The following MYO9A variants were observed in gnomAD, a reference collection of about 807,000 sequenced individuals.
The protein encoded by MYO9A is unconventional myosin-IXa.
MYO9A carries 103 observed loss-of-function variants against 293.3 expected under a neutral mutation model. That is an observed-to-expected ratio of 0.35 (90% CI 0.30 to 0.41). The LOEUF is 0.41. Among genes scored for constraint, MYO9A ranks in the 10% least tolerant of loss-of-function variants. The probability of loss-of-function intolerance (pLI) is 1.00; values close to 1 mark genes in which losing one functional copy is unlikely to be tolerated. For missense variants in MYO9A, 2,685 were observed against 3,033.0 expected (o/e 0.89, Z 2.69); for synonymous variants, 1,001 against 1,035.7 (o/e 0.97, Z 0.64).
intron 1 of MYO9A, among the ~76,000 whole-genome samples, chr15:72,063,230 C>T (rs943420080): frequency 6.6e-6 from 1 of 152,156 alleles, no homozygotes; most frequent in African/African-American, 2.4e-5. Context: ...TATCTCTCAC[C>T]ATATACAAAA....
rs778601193 is a variant in MYO9A at position 71,938,896 on chromosome 15, A to G, written c.2334T>C (p.Leu778=). The G allele has an allele frequency of 1.9e-6, 3 of 1,611,670 alleles. No individual in the cohort carries two copies. The highest frequency in any genetic ancestry group is 2.7e-5 in the African/African-American group (2 of 74,874). ...GAGCATTCATGCCCTGGAGATCAGA[A>G]AGAGGTGTTCTGGGATTTTTCCGGG... ...SITRKNPRTP[L]SDLQGMNALN... is the part of the protein sequence containing the mutation. Residue 778 remains leucine (L), a synonymous_variant, in exon 16 of 42, where the codon CTT becomes CTC. Coordinates refer to ENST00000356056, the MANE Select transcript of MYO9A (RefSeq NM_006901.4).
chr15:71,847,503 G>A (rs938999159), intron 39 of MYO9A: 7 of 448,110 alleles, frequency 1.6e-5, no homozygotes, highest in African/African-American at 1.4e-4. Flanking sequence ...GAAAGCAGAA[G>A]GTTAGAATGT....
intron 11 of MYO9A, among the ~76,000 whole-genome samples, chr15:71,980,780 G>C (rs1255044561): frequency 6.6e-6 from 1 of 152,192 alleles, no homozygotes; most frequent in African/African-American, 2.4e-5. Flanking sequence ...CAAGTCTGCA[G>C]TGAGCTATGA....
chr15:71,956,130 C>G (rs2059170339), intron 14 of MYO9A, among the ~76,000 whole-genome samples: 1 of 149,176 alleles, frequency 6.7e-6, no homozygotes, highest in South Asian at 2.1e-4. Flanking sequence ...TACAGCAAGA[C>G]CCACCTCCAA....
chr15:71,987,931 T>A (rs1175094345), intron 11 of MYO9A, among the ~76,000 whole-genome samples: 2 of 152,190 alleles, frequency 1.3e-5, no homozygotes, highest in Admixed American at 1.3e-4. Flanking sequence ...GGGTAGCAAG[T>A]AAATGAGAAT....
At chr15:71,896,316 C>T (rs2143014446) in intron 25 of MYO9A, among the ~76,000 whole-genome samples, 1 of 151,954 alleles carries the variant, frequency 6.6e-6, no homozygotes, top group East Asian at 1.9e-4. Flanking sequence ...ATTTTTAACC[C>T]AAAGATACAG....
chr15:71,956,831 A>G (rs1268263425), intron 14 of MYO9A, among the ~76,000 whole-genome samples: 1 of 122,692 alleles, frequency 8.2e-6, no homozygotes, highest in Non-Finnish European at 1.6e-5. Flanking sequence ...TATGCTATAT[A>G]TATATACACA....
At chr15:71,951,988 T>C in intron 14 of MYO9A, 92 bp from the exon 15 acceptor site, 1 of 1,362,010 alleles carries the variant, frequency 7.3e-7, no homozygotes, top group African/African-American at 1.5e-5. Flanking sequence ...AGGACAATGC[T>C]GCCAACTATT....
intron 1 of MYO9A, among the ~76,000 whole-genome samples, chr15:72,112,183 A>C (rs1483913317): frequency 6.6e-6 from 1 of 152,220 alleles, no homozygotes; most frequent in African/African-American, 2.4e-5. Context: ...ACTGAGAAAA[A>C]GTATGCTCCA....
intron 15 of MYO9A, among the ~76,000 whole-genome samples, chr15:71,939,823 T>C (rs957755334): frequency 4.6e-5 from 7 of 152,138 alleles, no homozygotes; most frequent in Non-Finnish European, 8.8e-5. Context: ...AAAAAGGAAG[T>C]AAAAGTATCT....
chr15:71,902,219 G>T (rs1478736397), intron 22 of MYO9A, among the ~76,000 whole-genome samples: 1 of 151,878 alleles, frequency 6.6e-6, no homozygotes, highest in Non-Finnish European at 1.5e-5. Context: ...CCATAAAAAA[G>T]ATATTAAGTA....
At chr15:71,936,527 G>A (rs563937205) in intron 16 of MYO9A, among the ~76,000 whole-genome samples, 6 of 152,108 alleles carry the variant, frequency 3.9e-5, no homozygotes, top group East Asian at 3.9e-4. Flanking sequence ...TTGAGACGAC[G>A]AATATGGTAA....
At chr15:71,912,247 A>C (rs958495278) in intron 19 of MYO9A, among the ~76,000 whole-genome samples, 8 of 150,772 alleles carry the variant, frequency 5.3e-5, no homozygotes, top group African/African-American at 1.9e-4. Flanking sequence ...AATTATTTTA[A>C]AAAGAGAAAA....
chr15:72,096,173 A>G (rs2080056946), intron 1 of MYO9A, among the ~76,000 whole-genome samples: 1 of 150,972 alleles, frequency 6.6e-6, no homozygotes, highest in African/African-American at 2.4e-5. Context: ...AAAAAAAAAA[A>G]AAAGAAAAAA....
intron 6 of MYO9A, among the ~76,000 whole-genome samples, chr15:72,014,554 C>T (rs553325712): frequency 9.2e-5 from 14 of 152,080 alleles, no homozygotes; most frequent in Admixed American, 6.5e-4. Context: ...GGCGTGGTGC[C>T]GGGCACCTGT....
At chr15:71,933,442 A>G (rs900539905) in intron 18 of MYO9A, among the ~76,000 whole-genome samples, 1 of 152,148 alleles carries the variant, frequency 6.6e-6, no homozygotes, top group Non-Finnish European at 1.5e-5. Context: ...AGGAGCTATT[A>G]AAACGCTAGA....
intron 10 of MYO9A, among the ~76,000 whole-genome samples, chr15:71,991,966 T>G (rs1308913502): frequency 6.6e-6 from 1 of 152,082 alleles, no homozygotes; most frequent in African/African-American, 2.4e-5. Flanking sequence ...CGTTGGCCGG[T>G]CTGGTATCAA....
intron 1 of MYO9A, among the ~76,000 whole-genome samples, chr15:72,061,305 AGAGAG>A (rs1387301827): frequency 6.6e-6 from 1 of 152,138 alleles, no homozygotes; most frequent in Non-Finnish European, 1.5e-5. Flanking sequence ...CTGAGAAAGG[AGAGAG>A]AAGAGCAAAA....
At chr15:72,007,337 G>A (rs1367665954) in intron 8 of MYO9A, among the ~76,000 whole-genome samples, 6 of 151,508 alleles carry the variant, frequency 4.0e-5, no homozygotes, top group Non-Finnish European at 8.8e-5. Flanking sequence ...GGCCCTTGAT[G>A]TAAGAAGAAG....
Sources: gnomAD v4.1 joint callset for allele counts (sites outside exome capture counted in the v4.1 genomes callset) on GRCh38, gnomAD v4.1.1 for gene constraint, MANE v1.5 for transcripts, NCBI Gene and HGNC (gene_info 2026-07-23, HGNC 2026-07-21) for gene names.